Variants in PPP2R2B observed in about 807,000 individuals in gnomAD.
PPP2R2B encodes the protein protein phosphatase 2 regulatory subunit Bbeta, also known as serine/threonine-protein phosphatase 2A 55 kDa regulatory subunit B beta isoform.
PPP2R2B carries 5 observed loss-of-function variants against 46.0 expected under a neutral mutation model. The observed-to-expected ratio is 0.11, with a 90% CI of 0.06 to 0.23. The LOEUF is 0.23. Among genes scored for constraint, PPP2R2B ranks in the 10% least tolerant of loss-of-function variants. The probability of loss-of-function intolerance (pLI) is 1.00; values close to 1 mark genes in which losing one functional copy is unlikely to be tolerated. For synonymous variants in PPP2R2B, 215 were observed against 206.7 expected (o/e 1.04, Z -0.34); for missense variants, 367 against 575.0 (o/e 0.64, Z 3.70).
chr5:146,708,820 C>G (rs1385074584), intron 2 of PPP2R2B, among the ~76,000 whole-genome samples: 2 of 152,164 alleles, frequency 1.3e-5, no homozygotes, highest in African/African-American at 2.4e-5. Context: ...CATCAATACA[C>G]TTTTGCCAAC....
intron 2 of PPP2R2B, among the ~76,000 whole-genome samples, chr5:146,814,824 C>CAA (rs1369192420): frequency 6.6e-6 from 1 of 152,202 alleles, no homozygotes; most frequent in East Asian, 1.9e-4. Flanking sequence ...AACCCCAAGT[C>CAA]AAAAGTCAAA....
intron 1 of PPP2R2B, among the ~76,000 whole-genome samples, chr5:146,998,015 G>A (rs887878024): frequency 1.3e-5 from 2 of 152,166 alleles, no homozygotes; most frequent in Non-Finnish European, 2.9e-5. Context: ...ACAAAGAGGG[G>A]TCATATCTCT....
At chr5:146,801,134 A>C (rs1756842068) in intron 2 of PPP2R2B, among the ~76,000 whole-genome samples, 1 of 152,120 alleles carries the variant, frequency 6.6e-6, no homozygotes, top group Non-Finnish European at 1.5e-5. Context: ...ATAGCTAAAC[A>C]TAAAAACAGA....
At chr5:146,617,893 C>G (rs1415587567) in intron 7 of PPP2R2B, among the ~76,000 whole-genome samples, 1 of 152,048 alleles carries the variant, frequency 6.6e-6, no homozygotes. Flanking sequence ...TGGGGTTTCA[C>G]CATGTTGGCC....
chr5:146,651,840 A>C (rs1775980349), intron 5 of PPP2R2B, among the ~76,000 whole-genome samples: 1 of 152,186 alleles, frequency 6.6e-6, no homozygotes, highest in South Asian at 2.1e-4. Context: ...ACAAAAGTTA[A>C]ATTTTCTGAA....
chr5:147,000,408 G>C (rs1754116750), intron 1 of PPP2R2B, among the ~76,000 whole-genome samples: 1 of 152,108 alleles, frequency 6.6e-6, no homozygotes, highest in Non-Finnish European at 1.5e-5. Flanking sequence ...CCGGAGCCAA[G>C]CTCCCTTGTT....
At chr5:146,816,256 T>C (rs996483161) in intron 2 of PPP2R2B, among the ~76,000 whole-genome samples, 1 of 151,962 alleles carries the variant, frequency 6.6e-6, no homozygotes, top group East Asian at 1.9e-4. Flanking sequence ...AATTAAAAAA[T>C]TGGCTGGGCA....
At chr5:146,995,950 G>A (rs1456315265) in intron 1 of PPP2R2B, among the ~76,000 whole-genome samples, 4 of 152,136 alleles carry the variant, frequency 2.6e-5, no homozygotes, top group Non-Finnish European at 2.9e-5. Context: ...GCTTCAATTT[G>A]TTCTGAGGCA....
chr5:146,859,635 G>A (rs1760868853), intron 2 of PPP2R2B, among the ~76,000 whole-genome samples: 1 of 152,164 alleles, frequency 6.6e-6, no homozygotes. Context: ...AGGGAGTCAA[G>A]AGCCAGTAAG....
intron 2 of PPP2R2B, among the ~76,000 whole-genome samples, chr5:146,762,324 C>T (rs1361412438): frequency 1.3e-5 from 2 of 152,322 alleles, no homozygotes; most frequent in Non-Finnish European, 2.9e-5. Context: ...CTTCAGCATT[C>T]TCTGAAGGCA....
chr5:146,725,029 T>C (rs1244387017), intron 2 of PPP2R2B, among the ~76,000 whole-genome samples: 3 of 150,900 alleles, frequency 2.0e-5, no homozygotes, highest in African/African-American at 7.5e-5. Context: ...TTCTAATTCA[T>C]ATATACTTCT....
At chr5:146,730,817 CATAA>C (rs1752182294) in intron 2 of PPP2R2B, among the ~76,000 whole-genome samples, 1 of 152,034 alleles carries the variant, frequency 6.6e-6, no homozygotes, top group African/African-American at 2.4e-5. Context: ...TCATCATCAG[CATAA>C]AAATGGACTA....
rs115461814 is a variant in PPP2R2B at position 146,626,657 on chromosome 5, C to T, written c.790+11594G>A. Among the ~76,000 whole-genome samples, 1,193 of 152,148 alleles carry T rather than the reference C, an allele frequency of 7.8e-3. 24 individuals carry two copies. Among genetic ancestry groups the T allele is most frequent in the African/African-American group, 0.025 (1,036 of 41,512 alleles). On this transcript the variant is annotated intron_variant, in intron 7 of 9. Transcript: ENST00000394411. ...AGTGATAGCTTGTTACAGGGCATGA[C>T]GACAGGTAAGTTGGCCTAAAATGTC...
At chr5:146,902,430 G>C (rs1156992708) in intron 1 of PPP2R2B, among the ~76,000 whole-genome samples, 2 of 151,912 alleles carry the variant, frequency 1.3e-5, no homozygotes, top group Non-Finnish European at 2.9e-5. Context: ...TAATAATATT[G>C]CTACTACCCA....
Position 146,974,040 on chromosome 5 carries a change from T to C in PPP2R2B, c.79+81625A>G, listed in dbSNP as rs149415853. On this transcript the variant is annotated intron_variant, in intron 1 of 8. Coordinates refer to the PPP2R2B transcript ENST00000336640. ...TAAGGTTTTCCGTGTTATTGATTTG[T>C]TTTTTCTAGAGAGTAAAGAACTAAG... 1.1e-4 allele frequency among the ~76,000 whole-genome samples: 16 copies of C among 152,300 alleles called. No homozygotes were observed. In the East Asian group the frequency reaches 2.1e-3, roughly 20 times the overall value.
chr5:147,053,967 T>A (rs1267138164), intron 1 of PPP2R2B, among the ~76,000 whole-genome samples: 1 of 152,206 alleles, frequency 6.6e-6, no homozygotes, highest in African/African-American at 2.4e-5. Context: ...ACCCATTGTC[T>A]TTATTAGGTT....
At chr5:146,868,702 G>A (rs879923770) in intron 2 of PPP2R2B, among the ~76,000 whole-genome samples, 1 of 152,104 alleles carries the variant, frequency 6.6e-6, no homozygotes, top group Non-Finnish European at 1.5e-5. Context: ...TCAAATCCTT[G>A]GTAGAAATTG....
chr5:146,766,867 A>G (rs1754510415), intron 2 of PPP2R2B, among the ~76,000 whole-genome samples: 1 of 152,016 alleles, frequency 6.6e-6, no homozygotes, highest in Admixed American at 6.6e-5. Flanking sequence ...CAGCCTGGCC[A>G]ATATGGTGAA....
intron 1 of PPP2R2B, among the ~76,000 whole-genome samples, chr5:146,889,989 C>G (rs773041633): frequency 6.6e-6 from 1 of 152,188 alleles, no homozygotes; most frequent in African/African-American, 2.4e-5. Flanking sequence ...TGGTGACAGA[C>G]GAGCATGAGA....
Sources: gnomAD v4.1 joint callset for allele counts (sites outside exome capture counted in the v4.1 genomes callset) on GRCh38, gnomAD v4.1.1 for gene constraint, MANE v1.5 for transcripts, NCBI Gene and HGNC (gene_info 2026-07-23, HGNC 2026-07-21) for gene names.